Variants in SLC71A2 observed in about 807,000 individuals in gnomAD.
The protein encoded by SLC71A2 is solute carrier family 71 member 2, also known as hippocampus abundant transcript-like 1.
At chr9:94,454,869 C>A in the SLC71A2 span, among the ~76,000 whole-genome samples, 2 of 152,090 alleles carry the variant, frequency 1.3e-5, no homozygotes, top group Non-Finnish European at 2.9e-5. Flanking sequence ...TATTAGATTC[C>A]CCCATAAACA....
chr9:94,459,386 C>G, the SLC71A2 span: 5 of 1,613,870 alleles, frequency 3.1e-6, no homozygotes, highest in Non-Finnish European at 3.4e-6. Flanking sequence ...ATTTGAGGAG[C>G]CTGGGAATCA....
chr9:94,394,080 T>C, the SLC71A2 span, among the ~76,000 whole-genome samples: 1 of 147,988 alleles, frequency 6.8e-6, no homozygotes, highest in Admixed American at 6.8e-5. Context: ...GATAAGAATA[T>C]TTACAAAAAC....
At chr9:94,445,124 A>T in the SLC71A2 span, 2 of 1,614,108 alleles carry the variant, frequency 1.2e-6, no homozygotes, top group African/African-American at 1.3e-5. Flanking sequence ...CTGCCTGAGA[A>T]AATGAGACCG....
the SLC71A2 span, among the ~76,000 whole-genome samples, chr9:94,440,160 A>ATT: frequency 6.8e-6 from 1 of 147,330 alleles, no homozygotes; most frequent in African/African-American, 2.5e-5. Context: ...CTTTTCTCTT[A>ATT]TTTTTTTTTT....
chr9:94,444,748 TTTAA>T, the SLC71A2 span, among the ~76,000 whole-genome samples: 1 of 152,252 alleles, frequency 6.6e-6, no homozygotes, highest in South Asian at 2.1e-4. Context: ...CTTAAATCAC[TTTAA>T]TTCTCTTTCA....
chr9:94,400,306 G>A, the SLC71A2 span, among the ~76,000 whole-genome samples: 3 of 151,998 alleles, frequency 2.0e-5, no homozygotes, highest in Admixed American at 1.3e-4. Flanking sequence ...AGAGGTGTCT[G>A]GGGTCTCATT....
At chr9:94,382,226 T>C in the SLC71A2 span, among the ~76,000 whole-genome samples, 3 of 152,018 alleles carry the variant, frequency 2.0e-5, no homozygotes, top group African/African-American at 7.2e-5. Context: ...GGGGTCTTAC[T>C]ATGTTGCCCA....
At chr9:94,451,392 C>T in the SLC71A2 span, 5 of 794,638 alleles carry the variant, frequency 6.3e-6, no homozygotes, top group Admixed American at 1.8e-4. Context: ...TGTAATAGAA[C>T]ATAATATTTC....
the SLC71A2 span, chr9:94,445,080 C>T: frequency 1.9e-6 from 3 of 1,614,072 alleles, no homozygotes; most frequent in Non-Finnish European, 2.5e-6. Context: ...CTCTTCTGGA[C>T]ATCTGCTTCA....
the SLC71A2 span, among the ~76,000 whole-genome samples, chr9:94,425,723 TA>T: frequency 0.012 from 1,761 of 152,032 alleles, 36 homozygotes; most frequent in African/African-American, 0.04. Context: ...ATCTTGTGGC[TA>T]ATGTTGGTCC....
chr9:94,445,781 T>C, the SLC71A2 span, among the ~76,000 whole-genome samples: 1 of 152,154 alleles, frequency 6.6e-6, no homozygotes, highest in Non-Finnish European at 1.5e-5. Context: ...AAAAAAAAGT[T>C]TGTAGACAAA....
At chr9:94,380,736 T>C in the SLC71A2 span, among the ~76,000 whole-genome samples, 3 of 42,580 alleles carry the variant, frequency 7.0e-5, 1 homozygote, top group Non-Finnish European at 1.4e-4. Context: ...TCCCAAAGCA[T>C]TGGGATTGCA....
chr9:94,391,616 G>C, the SLC71A2 span, among the ~76,000 whole-genome samples: 14 of 151,350 alleles, frequency 9.3e-5, no homozygotes, highest in East Asian at 1.9e-4. Flanking sequence ...GGCCAGGTGT[G>C]GGGGCTCAGG....
chr9:94,450,507 T>TTTTTTTTTTTTTC, the SLC71A2 span, among the ~76,000 whole-genome samples: 5 of 137,214 alleles, frequency 3.6e-5, no homozygotes, highest in Admixed American at 1.5e-4. Context: ...TTTTTTTTTT[T>TTTTTTTTTTTTTC]GAGATGGAGT....
chr9:94,374,942 G>A, the SLC71A2 span: 1 of 1,260,294 alleles, frequency 7.9e-7, no homozygotes, highest in Non-Finnish European at 1.0e-6. Context: ...GCGCGGGCGC[G>A]GGGCCCGGCT....
chr9:94,458,205 T>C, the SLC71A2 span: 13 of 856,358 alleles, frequency 1.5e-5, no homozygotes, highest in Non-Finnish European at 2.3e-5. Context: ...GCATGCTTTC[T>C]CTTTTCCTCA....
the SLC71A2 span, among the ~76,000 whole-genome samples, chr9:94,401,317 G>A: frequency 7.2e-5 from 11 of 152,096 alleles, no homozygotes; most frequent in Admixed American, 2.6e-4. Flanking sequence ...GATTACAGGC[G>A]TCCGCCACCA....
the SLC71A2 span, chr9:94,444,836 C>T: frequency 1.3e-6 from 1 of 750,164 alleles, no homozygotes; most frequent in Non-Finnish European, 2.3e-6. Flanking sequence ...AGGTATGCAC[C>T]TGTGGGACCC....
chr9:94,447,998 G>A, the SLC71A2 span, among the ~76,000 whole-genome samples: 1 of 152,024 alleles, frequency 6.6e-6, no homozygotes, highest in African/African-American at 2.4e-5. Context: ...TTTGGCATTT[G>A]TTTGGATTTG....
Sources: gnomAD v4.1 joint callset for allele counts (sites outside exome capture counted in the v4.1 genomes callset) on GRCh38, gnomAD v4.1.1 for gene constraint, MANE v1.5 for transcripts, NCBI Gene and HGNC (gene_info 2026-07-23, HGNC 2026-07-21) for gene names.